CADM2: variants seen among roughly 807,000 people sequenced by gnomAD.
CADM2 encodes the protein immunoglobulin superfamily member 4D.
A neutral mutation model predicts 49.8 loss-of-function variants in CADM2; 12 were observed. The ratio of observed to expected loss-of-function variants is 0.24; its 90% CI spans 0.15 to 0.39. The LOEUF (loss-of-function observed/expected upper bound fraction) is 0.39. Ranked by LOEUF, CADM2 falls within the 10% of genes least tolerant of loss-of-function variation. The pLI, the probability that CADM2 is intolerant of heterozygous loss-of-function variation, is 1.00. For missense variants in CADM2, 378 were observed against 492.3 expected (o/e 0.77, Z 2.20); for synonymous variants, 214 against 175.4 (o/e 1.22, Z -1.74).
chr3:85,927,351 T>C (rs758265956), intron 6 of CADM2, among the ~76,000 whole-genome samples: 33 of 152,174 alleles, frequency 2.2e-4, no homozygotes, highest in Non-Finnish European at 4.7e-4. Context: ...GCATGCATCC[T>C]AGGAATATGC....
chr3:85,754,609 T>G (rs1288439427), intron 2 of CADM2, among the ~76,000 whole-genome samples: 3 of 152,178 alleles, frequency 2.0e-5, no homozygotes, highest in Admixed American at 1.3e-4. Context: ...GCACTTTGTT[T>G]GATTTGCCAG....
intron 1 of CADM2, among the ~76,000 whole-genome samples, chr3:85,512,659 G>C (rs904423478): frequency 6.6e-6 from 1 of 151,750 alleles, no homozygotes; most frequent in Non-Finnish European, 1.5e-5. Flanking sequence ...TTTGCAGCAT[G>C]TATTGCATCT....
At chr3:85,528,565 C>G (rs892308335) in intron 1 of CADM2, among the ~76,000 whole-genome samples, 1 of 152,146 alleles carries the variant, frequency 6.6e-6, no homozygotes, top group Non-Finnish European at 1.5e-5. Flanking sequence ...AAGCATAACC[C>G]TCTTCTAACC....
intron 1 of CADM2, among the ~76,000 whole-genome samples, chr3:85,124,786 AG>A (rs2038972776): frequency 6.6e-6 from 1 of 152,172 alleles, no homozygotes; most frequent in East Asian, 1.9e-4. Context: ...TCCAACCCAA[AG>A]CTTATATTAC....
intron 1 of CADM2, among the ~76,000 whole-genome samples, chr3:85,221,843 TG>T (rs1386539325): frequency 6.6e-6 from 1 of 152,054 alleles, no homozygotes; most frequent in East Asian, 1.9e-4. Context: ...TTGGGTAACA[TG>T]GTGAGTTGGA....
At chr3:85,365,746 T>C (rs2032738367) in intron 1 of CADM2, among the ~76,000 whole-genome samples, 2 of 152,334 alleles carry the variant, frequency 1.3e-5, no homozygotes, top group South Asian at 2.1e-4. Context: ...CAGACAGACC[T>C]GAATATCCAC....
intron 1 of CADM2, among the ~76,000 whole-genome samples, chr3:85,286,958 C>T (rs373193530): frequency 3.3e-5 from 5 of 152,144 alleles, no homozygotes; most frequent in African/African-American, 4.8e-5. Context: ...GAACAAAACC[C>T]AAAGGACCTA....
intron 8 of CADM2, among the ~76,000 whole-genome samples, chr3:85,967,426 A>T (rs1369344445): frequency 6.6e-6 from 1 of 151,700 alleles, no homozygotes; most frequent in Non-Finnish European, 1.5e-5. Flanking sequence ...TAAATTTAGC[A>T]AAATAATATA....
intron 3 of CADM2, among the ~76,000 whole-genome samples, chr3:85,826,074 T>C (rs1441743477): frequency 6.6e-6 from 1 of 152,116 alleles, no homozygotes; most frequent in Non-Finnish European, 1.5e-5. Flanking sequence ...TTTGTAATTG[T>C]ATCATGACAG....
intron 8 of CADM2, among the ~76,000 whole-genome samples, chr3:85,990,122 G>A (rs1291315671): frequency 6.7e-6 from 1 of 149,490 alleles, no homozygotes; most frequent in African/African-American, 2.5e-5. Flanking sequence ...TAATACAGAT[G>A]GTCTCCAAAT....
chr3:85,277,807 TA>T (rs67523905), intron 1 of CADM2, among the ~76,000 whole-genome samples: 8,516 of 151,270 alleles, frequency 0.056, 317 homozygotes, highest in East Asian at 0.14. Context: ...AAATATAGAA[TA>T]AAAAAGTTTA....
intron 1 of CADM2, among the ~76,000 whole-genome samples, chr3:85,607,592 T>C (rs1279591169): frequency 6.6e-6 from 1 of 152,160 alleles, no homozygotes; most frequent in Non-Finnish European, 1.5e-5. Context: ...TATTACACAT[T>C]ATATGTCTGT....
At chr3:85,553,315 T>A (rs1261611527) in intron 1 of CADM2, among the ~76,000 whole-genome samples, 2 of 151,844 alleles carry the variant, frequency 1.3e-5, no homozygotes, top group Non-Finnish European at 2.9e-5. Flanking sequence ...TTCTTTTTTT[T>A]AAACAAAGAA....
chr3:85,303,776 G>T (rs537300995), intron 1 of CADM2, among the ~76,000 whole-genome samples: 7 of 151,908 alleles, frequency 4.6e-5, no homozygotes, highest in African/African-American at 1.7e-4. Flanking sequence ...ATTATTGTAT[G>T]TTGTTTGCCA....
intron 6 of CADM2, among the ~76,000 whole-genome samples, chr3:85,920,112 C>G (rs965716327): frequency 1.6e-4 from 24 of 151,860 alleles, no homozygotes; most frequent in Admixed American, 4.6e-4. Context: ...TTTGCTTTCA[C>G]TACCTTTCTA....
At chr3:85,395,292 C>T (rs1268595953) in intron 1 of CADM2, among the ~76,000 whole-genome samples, 10 of 65,760 alleles carry the variant, frequency 1.5e-4, no homozygotes, top group African/African-American at 9.9e-4. Flanking sequence ...AGAAAGACTC[C>T]ATACAAAAAA....
chr3:86,010,866 A>C (rs1318495243), intron 8 of CADM2, among the ~76,000 whole-genome samples: 1 of 151,810 alleles, frequency 6.6e-6, no homozygotes, highest in Non-Finnish European at 1.5e-5. Context: ...TAAGGATGAA[A>C]TTAAAAGAAT....
At chr3:85,497,997 C>G (rs1041531343) in intron 1 of CADM2, among the ~76,000 whole-genome samples, 4 of 151,880 alleles carry the variant, frequency 2.6e-5, no homozygotes, top group Non-Finnish European at 5.9e-5. Flanking sequence ...TATCTGTAAC[C>G]TCAATATTAA....
At chr3:86,004,264 TTG>T (rs1206303713) in intron 8 of CADM2, among the ~76,000 whole-genome samples, 2 of 152,238 alleles carry the variant, frequency 1.3e-5, no homozygotes, top group African/African-American at 4.8e-5. Flanking sequence ...TTTGAGGTAC[TTG>T]TGTTTAGTCA....
Sources: gnomAD v4.1 joint callset for allele counts (sites outside exome capture counted in the v4.1 genomes callset) on GRCh38, gnomAD v4.1.1 for gene constraint, MANE v1.5 for transcripts, NCBI Gene and HGNC (gene_info 2026-07-23, HGNC 2026-07-21) for gene names.